Variants in RGS9 observed in about 807,000 individuals in gnomAD.
RGS9 encodes the protein regulator of G protein signaling 9.
Under a neutral mutation model 102.0 loss-of-function variants are expected in RGS9, and 78 were observed. The observed-to-expected ratio is 0.76, with a 90% CI of 0.64 to 0.92. The LOEUF is 0.92. Ranked by LOEUF, RGS9 falls within the 40% of genes least tolerant of loss-of-function variation. The pLI, the probability that RGS9 is intolerant of heterozygous loss-of-function variation, is 0.00. For synonymous variants in RGS9, 353 were observed against 318.6 expected (o/e 1.11, Z -1.15); for missense variants, 833 against 866.1 (o/e 0.96, Z 0.48).
intron 18 of RGS9, among the ~76,000 whole-genome samples, chr17:65,226,439 G>A (rs891568624): frequency 7.2e-5 from 11 of 152,268 alleles, no homozygotes; most frequent in African/African-American, 2.2e-4. Context: ...AGTTGCCTTA[G>A]GAGAAGGGTC....
chr17:65,213,341 T>C (rs1002738694), intron 17 of RGS9, among the ~76,000 whole-genome samples: 5 of 152,256 alleles, frequency 3.3e-5, no homozygotes, highest in Middle Eastern at 6.3e-3. Context: ...TGTGGCAGGC[T>C]CAGGCCCTGC....
chr17:65,171,769 T>A (rs1429360230), intron 8 of RGS9, among the ~76,000 whole-genome samples: 1 of 152,218 alleles, frequency 6.6e-6, no homozygotes, highest in Non-Finnish European at 1.5e-5. Flanking sequence ...AGGAAAACGA[T>A]GTTTCTCACC....
rs539179005 is a variant in RGS9 at position 65,204,265 on chromosome 17, C to T, written c.1167C>T (p.Asp389=). Residue 389 remains aspartate, a synonymous_variant, in exon 15 of 19, where the codon GAC becomes GAT. Transcript: ENST00000262406. The part of the protein sequence containing the change: ...GLKHPHRYVL[D]AAQTHIYMLM... ...AGCACCCCCACCGCTATGTGCTGGA[C>T]GCCGCACAAACCCACATTTACATGC... 2.0e-5 allele frequency: 33 copies of T among 1,613,728 alleles called. No individual in the cohort carries two copies. Among genetic ancestry groups the T allele is most frequent in the Middle Eastern group, 1.8e-4 (1 of 5,646 alleles).
At chr17:65,205,098 C>T (rs1046070478) in intron 15 of RGS9, among the ~76,000 whole-genome samples, 4 of 151,990 alleles carry the variant, frequency 2.6e-5, no homozygotes, top group African/African-American at 7.3e-5. Context: ...AGTGCGAATG[C>T]GGTGGGAATT....
chr17:65,226,203 G>A (rs8073716), intron 18 of RGS9, among the ~76,000 whole-genome samples: 10,871 of 152,274 alleles, frequency 0.071, 1,309 homozygotes, highest in African/African-American at 0.25. Context: ...GAAAACTTGT[G>A]AGCGATGCAA....
rs190063851 is a variant in RGS9, at chr17:65,164,328, C to A, written c.500+1239C>A. On this transcript the variant is annotated intron_variant, in intron 7 of 18. Transcript: ENST00000262406. ...GATTTCCTGTGTGTATCAGAGCAGCCCTGTCATCCTGCTCATGAGTCACTA... is the reference window on the plus strand; with the variant it reads ...GATTTCCTGTGTGTATCAGAGCAGCACTGTCATCCTGCTCATGAGTCACTA... Among the ~76,000 whole-genome samples, 360 of 152,262 alleles carry A rather than the reference C, an allele frequency of 2.4e-3. 1 individual carries two copies. The highest frequency in any genetic ancestry group is 8.3e-3 in the African/African-American group (344 of 41,538).
Position 65,213,567 on chromosome 17 carries a change from T to G in RGS9, c.1407+2962T>G, listed in dbSNP as rs376407371. ...GTGTGGTGGTGAGGGTGGTGGTGAG[T>G]GTGGTGGTGAGGGTGGTGGTGTGGG... On this transcript the variant is annotated intron_variant, in intron 17 of 18. Transcript: ENST00000262406. Among the ~76,000 whole-genome samples, 746 of 149,952 alleles carry G rather than the reference T, an allele frequency of 5.0e-3. 5 individuals are homozygous for G. Among genetic ancestry groups the G allele is most frequent in the African/African-American group, 0.017 (712 of 40,924 alleles).
intron 2 of RGS9, among the ~76,000 whole-genome samples, chr17:65,154,463 C>T (rs1306399770): frequency 2.0e-5 from 3 of 152,184 alleles, no homozygotes; most frequent in Non-Finnish European, 4.4e-5. Flanking sequence ...TAGAAACCTT[C>T]ACTGTCATTT....
intron 8 of RGS9, among the ~76,000 whole-genome samples, chr17:65,176,710 ACCAT>A (rs3034105): frequency 0.057 from 8,397 of 147,204 alleles, 349 homozygotes; most frequent in African/African-American, 0.13. Context: ...TACTCACTCA[ACCAT>A]CCATCCATCC....
chr17:65,213,656 T>C (rs1056989539), intron 17 of RGS9, among the ~76,000 whole-genome samples: 2 of 152,058 alleles, frequency 1.3e-5, no homozygotes, highest in African/African-American at 2.4e-5. Flanking sequence ...GGCTCAGGTA[T>C]CTCTTGTCTC....
intron 9 of RGS9, among the ~76,000 whole-genome samples, chr17:65,178,251 A>G (rs2144037670): frequency 6.6e-6 from 1 of 152,270 alleles, no homozygotes; most frequent in African/African-American, 2.4e-5. Flanking sequence ...AATCCACATG[A>G]CAGGACCTGG....
At chr17:65,210,762 A>G (rs1046189770) in intron 17 of RGS9, 157 bp downstream of exon 17, 2 of 1,259,044 alleles carry the variant, frequency 1.6e-6, no homozygotes, top group Non-Finnish European at 2.2e-6. Context: ...TGTGGAGGTC[A>G]TCAGGTTCAT....
rs530636747 is a variant in RGS9 at position 65,168,378 on chromosome 17, G to A, written c.582+97G>A. On this transcript the variant is annotated intron_variant, in intron 8 of 18. Coordinates refer to ENST00000262406, the MANE Select transcript of RGS9 (RefSeq NM_003835.4). ...CTGTTGCCAACTCCTCTTTCTCTAG[G>A]GCGAGAATTGGATCAGCAGGAGGAG... 12 of 826,736 alleles carry A rather than the reference G, an allele frequency of 1.5e-5. No individual in the cohort carries two copies. The South Asian group carries it at 1.7e-4, about 12-fold the overall frequency. The allele number at this position is 826,736 out of a possible 1,614,324, so 51.2% of individuals were successfully genotyped here. A position where few individuals can be genotyped will look rare whatever the true frequency, so the allele number is the denominator to read the frequency against.
At chr17:65,168,691 C>T (rs901122509) in intron 8 of RGS9, among the ~76,000 whole-genome samples, 2 of 151,938 alleles carry the variant, frequency 1.3e-5, no homozygotes, top group Non-Finnish European at 2.9e-5. Context: ...CCAAAGTTCT[C>T]CTTGGTGTCT....
rs929798662 is a variant in RGS9 at position 65,137,457 on chromosome 17, G to C, written c.-84G>C. The C allele has an allele frequency of 2.6e-5, 37 of 1,431,552 alleles. No homozygotes were observed. The highest frequency in any genetic ancestry group is 3.5e-5 in the Non-Finnish European group (36 of 1,025,674). The allele number at this position is 1,431,552 out of a possible 1,614,324, so 88.7% of individuals were successfully genotyped here. A position where few individuals can be genotyped will look rare whatever the true frequency, so the allele number is the denominator to read the frequency against. On this transcript the variant is annotated 5_prime_UTR_variant, in exon 1 of 19. Transcript: ENST00000262406. ...CCCCGTCGACGCCCAGGGCTGGGGC[G>C]AGCCAGGCTGCCTTTCGAACTTGGG...
In RGS9 at chr17:65,227,258, T is replaced by TC. The variant is rs762824632; in HGVS notation, c.1893-15dup. ...GCCCCTGCCCCTACATTACTGGCTT[T>TC]CCTCTTGCACCTGAAGCTTTTTCCA... On this transcript the variant is annotated splice_polypyrimidine_tract_variant and intron_variant, in intron 18 of 18. Coordinates refer to ENST00000262406, the MANE Select transcript of RGS9 (RefSeq NM_003835.4). 13 of 1,613,976 alleles carry TC rather than the reference T, an allele frequency of 8.1e-6. No homozygotes were observed. The East Asian group carries it at 2.9e-4, about 36-fold the overall frequency.
intron 14 of RGS9, 125 bp from the exon 15 acceptor site, chr17:65,204,037 TA>T: frequency 1.6e-5 from 18 of 1,146,460 alleles, no homozygotes; most frequent in Non-Finnish European, 1.9e-5. Flanking sequence ...TAGTGTCTCC[TA>T]AAAAAACCAC....
chr17:65,197,087 C>G, intron 12 of RGS9, 39 bp from the exon 13 acceptor site: 1 of 1,492,204 alleles, frequency 6.7e-7, no homozygotes. Context: ...CCTGTCACAA[C>G]CGCTACCTCT....
At chr17:65,175,750 T>C (rs1911601796) in intron 8 of RGS9, among the ~76,000 whole-genome samples, 1 of 152,240 alleles carries the variant, frequency 6.6e-6, no homozygotes, top group Non-Finnish European at 1.5e-5. Flanking sequence ...CTTCCCTGTG[T>C]CGTCTTGTCT....
Sources: allele counts gnomAD v4.1 joint callset (sites outside exome capture counted in the v4.1 genomes callset), GRCh38; gene constraint gnomAD v4.1.1; transcripts MANE v1.5; gene names NCBI Gene and HGNC (gene_info 2026-07-23, HGNC 2026-07-21).